The following SGF29 variants were observed in gnomAD, a reference collection of about 807,000 sequenced individuals.
SGF29 encodes the protein SAGA-associated factor 29.
SGF29 carries 15 observed loss-of-function variants against 38.1 expected under a neutral mutation model. The observed-to-expected ratio is 0.39, with a 90% CI of 0.26 to 0.61. The LOEUF (loss-of-function observed/expected upper bound fraction) is 0.61. Among genes scored for constraint, SGF29 ranks in the 20% least tolerant of loss-of-function variants. The pLI, the probability that SGF29 is intolerant of heterozygous loss-of-function variation, is 0.49. For synonymous variants in SGF29, 151 were observed against 160.8 expected, an observed-to-expected ratio of 0.94 and a Z score of 0.46; for missense variants, 184 against 394.6, an observed-to-expected ratio of 0.47 and a Z score of 4.52.
chr16:28,554,332 C>T (rs1032959385), intron 1 of SGF29, among the ~76,000 whole-genome samples: 1 of 151,892 alleles, frequency 6.6e-6, no homozygotes, highest in Non-Finnish European at 1.5e-5. Flanking sequence ...TCTGCGCTTG[C>T]GTGCTTCCAT....
intron 3 of SGF29, 172 bp from the exon 4 acceptor site, chr16:28,585,476 A>G (rs1293918872): frequency 4.7e-6 from 3 of 636,998 alleles, no homozygotes; most frequent in South Asian, 1.8e-5. Context: ...GGAAATGCGG[A>G]CTCATGGAGC....
chr16:28,565,019 C>G (rs1184224259), intron 1 of SGF29, among the ~76,000 whole-genome samples: 1 of 151,748 alleles, frequency 6.6e-6, no homozygotes, highest in Non-Finnish European at 1.5e-5. Flanking sequence ...AGGTGTAAGT[C>G]TCAGAGTCTA....
chr16:28,580,745 C>T (rs531870362), intron 1 of SGF29, among the ~76,000 whole-genome samples: 4 of 152,308 alleles, frequency 2.6e-5, no homozygotes, highest in Admixed American at 2.0e-4. Context: ...TGCAATGGCA[C>T]GATCGTAGCT....
At position 28,590,782 on chromosome 16, in the gene SGF29, C is replaced by T; in HGVS notation, c.612C>T (p.Thr204=). Residue 204 remains threonine, a synonymous_variant, in exon 9 of 10, where the codon ACC becomes ACT. Transcript: ENST00000317058. This position sits in a 1 kb window ranked among gnomAD's most constrained non-coding sequence, Gnocchi z 8.2. ...DIDEEGKERH[T]LSRRRVIPLP... is the part of the protein sequence containing the mutation. Reference sequence around the variant, plus strand: ...GCCCCTCTTCCCCCAGGAGACACACCCTGAGCCGGCGCCGTGTCATCCCGC... The same window carrying T: ...GCCCCTCTTCCCCCAGGAGACACACTCTGAGCCGGCGCCGTGTCATCCCGC... 6.2e-7 allele frequency: 1 copy of T among 1,614,058 alleles called. No homozygotes were observed. Among genetic ancestry groups the T allele is most frequent in the Non-Finnish European group, 8.5e-7 (1 of 1,179,968 alleles).
In SGF29 at chr16:28,584,960, C is replaced by T; in HGVS notation, c.123C>T (p.Thr41=). ...SEHNLVNIQK[T]HERMQTENKI... is the part of the protein sequence containing the mutation. ...ACAACTTAGTGAACATCCAGAAGACCCATGAGCGGATGCAGACAGAGAACA... is the reference window on the plus strand; with the variant it reads ...ACAACTTAGTGAACATCCAGAAGACTCATGAGCGGATGCAGACAGAGAACA... The change falls in exon 3 of 10, where the codon ACC becomes ACT. Residue 41 remains threonine, a synonymous_variant. Coordinates refer to ENST00000317058, the MANE Select transcript of SGF29 (RefSeq NM_138414.3). The T allele has an allele frequency of 6.2e-7, 1 of 1,613,756 alleles. No individual in the cohort carries two copies. The highest frequency in any genetic ancestry group is 1.1e-5 in the South Asian group (1 of 91,068).
chr16:28,560,697 C>G (rs1452210784), intron 1 of SGF29, among the ~76,000 whole-genome samples: 1 of 152,060 alleles, frequency 6.6e-6, no homozygotes, highest in Non-Finnish European at 1.5e-5. Flanking sequence ...CGCAGTGGCT[C>G]ACGCCGGTAA....
chr16:28,560,429 A>G (rs1286461315), intron 1 of SGF29, among the ~76,000 whole-genome samples: 1 of 150,842 alleles, frequency 6.6e-6, no homozygotes, highest in African/African-American at 2.4e-5. Flanking sequence ...TCTCTACTAA[A>G]AATACTAAAA....
intron 2 of SGF29, among the ~76,000 whole-genome samples, chr16:28,584,277 C>T (rs544381376): frequency 1.3e-5 from 2 of 152,068 alleles, no homozygotes; most frequent in Non-Finnish European, 2.9e-5. Context: ...AGGCTTAAGC[C>T]ACTGCACCAG....
chr16:28,554,931 T>C lies in SGF29; in HGVS notation c.-16+834T>C, dbSNP rs557675083. Reference sequence around the variant, plus strand: ...CTGTTTTCATTTGGCTTGCTGAACGTTCTCTTCCTTTGCCTCTGCTCTCTC... The same window carrying C: ...CTGTTTTCATTTGGCTTGCTGAACGCTCTCTTCCTTTGCCTCTGCTCTCTC... On this transcript the variant is annotated intron_variant, in intron 1 of 9. Transcript: ENST00000317058. Among the ~76,000 whole-genome samples the C allele has an allele frequency of 1.5e-4, 23 of 152,358 alleles. No homozygotes were observed. The South Asian group carries it at 4.6e-3, about 30-fold the overall frequency.
chr16:28,564,567 GTATATATATACACGTATATATATAC>G (rs2046813153), intron 1 of SGF29, among the ~76,000 whole-genome samples: 1 of 117,634 alleles, frequency 8.5e-6, no homozygotes, highest in African/African-American at 3.1e-5. Flanking sequence ...ATATATATAC[GTATATATATACACGTATATATATAC>G]ACACATATAT....
At chr16:28,569,854 GCTCTGTTC>G (rs2151646021) in intron 1 of SGF29, among the ~76,000 whole-genome samples, 1 of 152,288 alleles carries the variant, frequency 6.6e-6, no homozygotes, top group African/African-American at 2.4e-5. Flanking sequence ...CCATTTCAAG[GCTCTGTTC>G]CTAGCATTCT....
rs555138306 is a variant in SGF29 at position 28,575,646 on chromosome 16, C to T, written c.-15-5409C>T. Among the ~76,000 whole-genome samples, 3 of 152,292 alleles carry T rather than the reference C, an allele frequency of 2.0e-5. No individual in the cohort carries two copies. The South Asian group carries it at 6.2e-4, about 32-fold the overall frequency. On this transcript the variant is annotated intron_variant, in intron 1 of 9. Transcript: ENST00000317058. Reference sequence around the variant, plus strand: ...GTTGCAGTGAGCTGAGATTGAGTCACTGCACTCCAGCTTGGGTGGCAGAGT... The same window carrying T: ...GTTGCAGTGAGCTGAGATTGAGTCATTGCACTCCAGCTTGGGTGGCAGAGT...
chr16:28,585,175 G>T, intron 3 of SGF29, 187 bp downstream of exon 3: 1 of 570,350 alleles, frequency 1.8e-6, no homozygotes, highest in East Asian at 2.9e-5. Flanking sequence ...CCTCTACTCT[G>T]AGGATTCGAA....
At chr16:28,559,247 G>T (rs2046771239) in intron 1 of SGF29, among the ~76,000 whole-genome samples, 1 of 152,162 alleles carries the variant, frequency 6.6e-6, no homozygotes, top group Non-Finnish European at 1.5e-5. Flanking sequence ...CTGAGCCAAA[G>T]AAGTCAAGGC....
intron 4 of SGF29, chr16:28,588,544 G>A (rs1451505651): frequency 2.4e-6 from 1 of 416,874 alleles, no homozygotes; most frequent in African/African-American, 2.1e-5. Context: ...AAGACTAAAA[G>A]ACACATACTG....
At chr16:28,564,666 C>CGT (rs1491577201) in intron 1 of SGF29, among the ~76,000 whole-genome samples, 1 of 61,610 alleles carries the variant, frequency 1.6e-5, no homozygotes, top group Non-Finnish European at 3.6e-5. Flanking sequence ...TATATATATG[C>CGT]ATATATATGT....
At chr16:28,562,477 T>C (rs2046795881) in intron 1 of SGF29, among the ~76,000 whole-genome samples, 1 of 152,190 alleles carries the variant, frequency 6.6e-6, no homozygotes. Flanking sequence ...TGGGAAATTA[T>C]ACTTGTATTG....
At chr16:28,570,293 G>T (rs1432199271) in intron 1 of SGF29, among the ~76,000 whole-genome samples, 2 of 152,218 alleles carry the variant, frequency 1.3e-5, no homozygotes, top group East Asian at 1.9e-4. Context: ...GTTGAAGAAG[G>T]TTGTTCAGAA....
intron 1 of SGF29, among the ~76,000 whole-genome samples, chr16:28,557,808 T>C (rs2046761679): frequency 6.6e-6 from 1 of 152,138 alleles, no homozygotes; most frequent in Non-Finnish European, 1.5e-5. Flanking sequence ...CACGGAAATC[T>C]TATGTGTTGA....
Sources: allele counts gnomAD v4.1 joint callset (sites outside exome capture counted in the v4.1 genomes callset), GRCh38; gene constraint gnomAD v4.1.1; non-coding constraint Gnocchi (gnomAD v3.1); transcripts MANE v1.5; gene names NCBI Gene and HGNC (gene_info 2026-07-23, HGNC 2026-07-21).